FNBP1L: variants seen among roughly 807,000 people sequenced by gnomAD.
FNBP1L encodes the protein formin-binding protein 1-like.
In FNBP1L, 36 loss-of-function variants were observed where a neutral mutation model predicts 91.2. The observed-to-expected ratio is 0.39, with a 90% CI of 0.30 to 0.52. The LOEUF is 0.52. Ranked by LOEUF, FNBP1L falls within the 20% of genes least tolerant of loss-of-function variation. FNBP1L has a pLI of 0.66. For missense variants in FNBP1L, 571 were observed against 732.1 expected (o/e 0.78, Z 2.54); for synonymous variants, 242 against 237.0 (o/e 1.02, Z -0.19).
At chr1:93,550,872 T>A in intron 15 of FNBP1L, 75 bp from the exon 16 acceptor site, 1 of 1,325,164 alleles carries the variant, frequency 7.5e-7, no homozygotes, top group Non-Finnish European at 1.0e-6. Flanking sequence ...TTCATTGTAT[T>A]TTGTGCATTG....
chr1:93,522,185 T>TTA, intron 3 of FNBP1L, 50 bp downstream of exon 3: 9 of 877,774 alleles, frequency 1.0e-5, no homozygotes, highest in Non-Finnish European at 1.4e-5. Context: ...TTAAAAATAC[T>TTA]TATATTTTTA....
At chr1:93,521,308 T>G (rs1348564141) in intron 2 of FNBP1L, among the ~76,000 whole-genome samples, 1 of 152,128 alleles carries the variant, frequency 6.6e-6, no homozygotes, top group Non-Finnish European at 1.5e-5. Flanking sequence ...CATGTAAAAG[T>G]GGAGTTATGG....
rs150542494 is a variant in FNBP1L at position 93,492,602 on chromosome 1, C to A, written c.25-6866C>A. 1.9e-3 allele frequency among the ~76,000 whole-genome samples: 291 copies of A among 152,230 alleles called. 2 individuals are homozygous for A. Among genetic ancestry groups the A allele is most frequent in the African/African-American group, 6.7e-3 (280 of 41,550 alleles). ...GTGGCTCACGCCTATAGTCCTGGTG[C>A]TTTGGGAGGCCCAAGTGGGAGAATT... On this transcript the variant is annotated intron_variant, in intron 1 of 16. Transcript: ENST00000271234.
At chr1:93,466,947 C>T (rs1669100718) in intron 1 of FNBP1L, among the ~76,000 whole-genome samples, 1 of 152,192 alleles carries the variant, frequency 6.6e-6, no homozygotes, top group African/African-American at 2.4e-5. Context: ...ACCTCCGCCT[C>T]CCAGATTCAA....
chr1:93,538,487 A>T (rs1156773440), intron 10 of FNBP1L, among the ~76,000 whole-genome samples: 1 of 152,134 alleles, frequency 6.6e-6, no homozygotes, highest in Non-Finnish European at 1.5e-5. Flanking sequence ...AAAATATGAC[A>T]AACCAACTAG....
intron 2 of FNBP1L, among the ~76,000 whole-genome samples, chr1:93,503,204 A>G (rs1197942530): frequency 6.6e-6 from 1 of 152,172 alleles, no homozygotes; most frequent in Admixed American, 6.5e-5. Context: ...GCCTCAGTAA[A>G]CTTATAATCA....
At chr1:93,471,988 T>C (rs1354410071) in intron 1 of FNBP1L, among the ~76,000 whole-genome samples, 1 of 152,192 alleles carries the variant, frequency 6.6e-6, no homozygotes, top group Non-Finnish European at 1.5e-5. Flanking sequence ...GTCTGAGAAA[T>C]GGTGCTGTTA....
chr1:93,464,439 C>T (rs1441336728), intron 1 of FNBP1L, among the ~76,000 whole-genome samples: 1 of 152,092 alleles, frequency 6.6e-6, no homozygotes, highest in Non-Finnish European at 1.5e-5. Context: ...TCTGGAATCC[C>T]AGTTACATGT....
At chr1:93,496,892 G>T (rs926907335) in intron 1 of FNBP1L, among the ~76,000 whole-genome samples, 3 of 152,132 alleles carry the variant, frequency 2.0e-5, no homozygotes, top group African/African-American at 7.2e-5. Context: ...GTTCGACCAA[G>T]TAAACATTTG....
At chr1:93,479,128 C>T (rs1489273381) in intron 1 of FNBP1L, among the ~76,000 whole-genome samples, 5 of 152,180 alleles carry the variant, frequency 3.3e-5, no homozygotes, top group Non-Finnish European at 5.9e-5. Context: ...AATTTTACAG[C>T]TGGGCCGCTG....
chr1:93,540,974 C>T, intron 10 of FNBP1L, 68 bp from the exon 11 acceptor site: 2 of 1,367,530 alleles, frequency 1.5e-6, no homozygotes, highest in Non-Finnish European at 2.0e-6. Context: ...TAGGCTATTG[C>T]ATCTTCTGTA....
In FNBP1L at chr1:93,448,146, C is replaced by A; in HGVS notation, c.-136C>A. 8.9e-7 allele frequency: 1 copy of A among 1,121,912 alleles called. No individual in the cohort carries two copies. 69.5% of individuals were successfully genotyped at this position (1,121,912 alleles called of 1,614,324 possible). A position where few individuals can be genotyped will look rare whatever the true frequency, so the allele number is the denominator to read the frequency against. ...CGCGTCTTTCTCACTCACTGGGGAG[C>A]CCGGCGGTGGCGGCACCTTTCGAGG... On this transcript the variant is annotated 5_prime_UTR_variant, in exon 1 of 17. Transcript: ENST00000271234.
chr1:93,484,836 TAGAG>T (rs999656783), intron 1 of FNBP1L, among the ~76,000 whole-genome samples: 4 of 152,092 alleles, frequency 2.6e-5, no homozygotes, highest in African/African-American at 9.7e-5. Context: ...TGCTGAACAA[TAGAG>T]AGGCTAATGT....
intron 1 of FNBP1L, among the ~76,000 whole-genome samples, chr1:93,449,871 T>C (rs1257492687): frequency 6.6e-6 from 1 of 152,148 alleles, no homozygotes; most frequent in Non-Finnish European, 1.5e-5. Flanking sequence ...TGAAAGGAAA[T>C]GGGTATAGTT....
At chr1:93,538,561 T>C (rs1671920983) in intron 10 of FNBP1L, among the ~76,000 whole-genome samples, 1 of 152,114 alleles carries the variant, frequency 6.6e-6, no homozygotes, top group South Asian at 2.1e-4. Context: ...AATTTTTTTC[T>C]TTTGATTACC....
chr1:93,543,988 T>TCCG, intron 11 of FNBP1L, 119 bp from the exon 12 acceptor site: 3 of 582,178 alleles, frequency 5.2e-6, no homozygotes, highest in South Asian at 4.5e-5. Context: ...AAGGGGTTGC[T>TCCG]TGAGGCAAAT....
intron 1 of FNBP1L, among the ~76,000 whole-genome samples, chr1:93,455,270 G>A (rs977134388): frequency 6.6e-6 from 1 of 152,184 alleles, no homozygotes; most frequent in Non-Finnish European, 1.5e-5. Context: ...ATAGCTCACC[G>A]CAGCCTCAAA....
chr1:93,544,816 A>G (rs925043089), intron 12 of FNBP1L, among the ~76,000 whole-genome samples: 3 of 152,132 alleles, frequency 2.0e-5, no homozygotes, highest in African/African-American at 7.2e-5. Flanking sequence ...TGATGCTAAG[A>G]ATTAGTGTAT....
chr1:93,464,262 T>C (rs1025139176), intron 1 of FNBP1L, among the ~76,000 whole-genome samples: 3 of 152,224 alleles, frequency 2.0e-5, no homozygotes, highest in African/African-American at 7.2e-5. Flanking sequence ...AACAAAGATT[T>C]ACTGAGTAGC....
Sources: allele counts gnomAD v4.1 joint callset (sites outside exome capture counted in the v4.1 genomes callset), GRCh38; gene constraint gnomAD v4.1.1; transcripts MANE v1.5; gene names NCBI Gene and HGNC (gene_info 2026-07-23, HGNC 2026-07-21).